The following DIP2C variants were observed in gnomAD, a reference collection of about 807,000 sequenced individuals.
DIP2C encodes the protein DIP2 acetate--CoA ligase C (putative).
Under a neutral mutation model 192.4 loss-of-function variants are expected in DIP2C, and 33 were observed. The ratio of observed to expected loss-of-function variants is 0.17; its 90% CI spans 0.13 to 0.23. The LOEUF is 0.23. DIP2C is among the 10% of genes least tolerant of loss of function. The pLI, the probability that DIP2C is intolerant of heterozygous loss-of-function variation, is 1.00. For synonymous variants in DIP2C, 979 were observed against 864.1 expected, an observed-to-expected ratio of 1.13 and a Z score of -2.33; for missense variants, 1,537 against 2,110.1, an observed-to-expected ratio of 0.73 and a Z score of 5.32.
intron 32 of DIP2C, among the ~76,000 whole-genome samples, chr10:297,022 G>A (rs1448318518): frequency 6.6e-6 from 1 of 151,718 alleles, no homozygotes; most frequent in Admixed American, 6.6e-5. Flanking sequence ...ATGTACCCTA[G>A]AACTTAAAGT....
chr10:557,903 G>A, intron 1 of DIP2C, among the ~76,000 whole-genome samples: 1 of 123,664 alleles, frequency 8.1e-6, no homozygotes, highest in East Asian at 3.2e-4. Flanking sequence ...GGGGCAGGCG[G>A]GGAAGGGGGC....
At chr10:599,100 A>ACT (rs1392596634) in intron 1 of DIP2C, among the ~76,000 whole-genome samples, 1 of 151,898 alleles carries the variant, frequency 6.6e-6, no homozygotes, top group African/African-American at 2.4e-5. Context: ...AGCCACAGCC[A>ACT]CTCTCCCAGC....
intron 32 of DIP2C, among the ~76,000 whole-genome samples, chr10:296,687 A>C (rs1355803341): frequency 6.6e-6 from 1 of 152,232 alleles, no homozygotes; most frequent in Admixed American, 6.5e-5. Flanking sequence ...GCACATATAC[A>C]CCATGGAACA....
chr10:492,590 G>A (rs1844524719), intron 1 of DIP2C, among the ~76,000 whole-genome samples: 1 of 152,172 alleles, frequency 6.6e-6, no homozygotes, highest in Admixed American at 6.5e-5. Flanking sequence ...GGGCGACAGA[G>A]CAAGACCCTG....
chr10:364,405 C>T lies in DIP2C; in HGVS notation c.2446G>A (p.Val816Ile), dbSNP rs777891074. 5.3e-5 allele frequency: 85 copies of T among 1,613,728 alleles called. No homozygotes were observed. Among genetic ancestry groups the T allele is most frequent in the South Asian group, 1.1e-5 (1 of 91,076 alleles). ...CGGTAGACAAACTTCATGGGTTCTA[C>T]GGCCAGCGCAGTGGCCACGATGTCG... is the stretch of plus-strand genomic sequence containing the variant. ...ADDIVATALA[V>I]EPMKFVYRGR... The change falls in exon 20 of 37, where the codon GTA (valine) becomes ATA (isoleucine). Residue 816 changes from valine to isoleucine, a missense_variant. Val to Ile is a conservative substitution (Grantham distance 29). Transcript: ENST00000280886.
chr10:538,588 C>A (rs541854687), intron 1 of DIP2C, among the ~76,000 whole-genome samples: 3 of 152,298 alleles, frequency 2.0e-5, no homozygotes, highest in African/African-American at 7.2e-5. Context: ...CCTGCCTGTG[C>A]TCTCAGATCT....
At chr10:380,466 G>A (rs12772595) in intron 17 of DIP2C, among the ~76,000 whole-genome samples, 1 of 147,662 alleles carries the variant, frequency 6.8e-6, no homozygotes, top group African/African-American at 2.5e-5. Flanking sequence ...ATGGTTAACA[G>A]GCAGAAGAGG....
intron 3 of DIP2C, among the ~76,000 whole-genome samples, chr10:449,920 C>CA (rs59135780): frequency 9.2e-4 from 125 of 135,904 alleles, no homozygotes; most frequent in African/African-American, 3.3e-3. Context: ...TCAACAACAA[C>CA]AAAAAAAAAA....
intron 15 of DIP2C, 22 bp downstream of exon 15, chr10:384,524 C>T (rs1962699538): frequency 1.9e-6 from 3 of 1,611,798 alleles, no homozygotes; most frequent in African/African-American, 1.3e-5. Context: ...AGGTGTGAGC[C>T]ACTGCGCCCG....
intron 1 of DIP2C, among the ~76,000 whole-genome samples, chr10:553,429 G>C (rs1848681970): frequency 6.6e-6 from 1 of 152,226 alleles, no homozygotes; most frequent in Non-Finnish European, 1.5e-5. Flanking sequence ...AGAGCCATTT[G>C]CTGCACTCCC....
chr10:473,444 G>A (rs149116752), intron 2 of DIP2C, among the ~76,000 whole-genome samples: 84 of 151,568 alleles, frequency 5.5e-4, no homozygotes, highest in African/African-American at 1.7e-3. Flanking sequence ...CAGAAAGGAC[G>A]TCATCCTATG....
chr10:530,572 C>A (rs1410222459), intron 1 of DIP2C, among the ~76,000 whole-genome samples: 2 of 144,764 alleles, frequency 1.4e-5, no homozygotes, highest in Admixed American at 7.2e-5. Context: ...AAGCCCAGCA[C>A]TTTGGGAGGC....
intron 32 of DIP2C, among the ~76,000 whole-genome samples, chr10:303,173 A>G (rs981900173): frequency 6.6e-6 from 1 of 152,166 alleles, no homozygotes; most frequent in South Asian, 2.1e-4. Context: ...ATTCTTAAAC[A>G]CTGTACTCGT....
chr10:509,109 T>G (rs886397229), intron 1 of DIP2C, among the ~76,000 whole-genome samples: 1 of 152,188 alleles, frequency 6.6e-6, no homozygotes, highest in African/African-American at 2.4e-5. Context: ...CTAGTGGCAT[T>G]TCCTGGCAAG....
chr10:616,765 A>T (rs771933734), intron 1 of DIP2C, among the ~76,000 whole-genome samples: 3 of 152,208 alleles, frequency 2.0e-5, no homozygotes, highest in African/African-American at 7.2e-5. Context: ...AAGCATAGAG[A>T]GTCTAATGGG....
At chr10:440,782 T>A (rs1023791580) in intron 4 of DIP2C, 89 bp downstream of exon 4, 2 of 1,498,312 alleles carry the variant, frequency 1.3e-6, no homozygotes, top group Non-Finnish European at 1.8e-6. Flanking sequence ...TTCATTATTT[T>A]GAAAGCAAAA....
intron 1 of DIP2C, among the ~76,000 whole-genome samples, chr10:552,165 A>C (rs914957494): frequency 2.0e-5 from 3 of 152,252 alleles, no homozygotes; most frequent in Non-Finnish European, 2.9e-5. Flanking sequence ...ACCAAGACCA[A>C]GAATGGCAAC....
At chr10:586,631 T>C (rs766077570) in intron 1 of DIP2C, among the ~76,000 whole-genome samples, 19 of 152,226 alleles carry the variant, frequency 1.2e-4, no homozygotes, top group Admixed American at 5.2e-4. Context: ...GTTCACATAG[T>C]ATTGAGTTAA....
chr10:408,143 G>A (rs558628606), intron 9 of DIP2C, among the ~76,000 whole-genome samples: 13 of 150,422 alleles, frequency 8.6e-5, no homozygotes, highest in African/African-American at 2.7e-4. Flanking sequence ...GTAAACATCC[G>A]CCTTCATTCT....
Sources: gnomAD v4.1 joint callset for allele counts (sites outside exome capture counted in the v4.1 genomes callset) on GRCh38, gnomAD v4.1.1 for gene constraint, MANE v1.5 for transcripts, NCBI Gene and HGNC (gene_info 2026-07-23, HGNC 2026-07-21) for gene names.